PTPRD: variants seen among roughly 807,000 people sequenced by gnomAD.
PTPRD encodes the protein receptor-type tyrosine-protein phosphatase delta.
In PTPRD, 34 loss-of-function variants were observed where a neutral mutation model predicts 214.5. The ratio of observed to expected loss-of-function variants is 0.16; its 90% confidence interval spans 0.12 to 0.21. The LOEUF is 0.21. Ranked by LOEUF, PTPRD falls within the 10% of genes least tolerant of loss-of-function variation. The pLI, the probability that PTPRD is intolerant of heterozygous loss-of-function variation, is 1.00. For missense variants in PTPRD, 2,545 were observed against 2,398.7 expected (o/e 1.06, Z -1.27); for synonymous variants, 1,128 against 845.7 (o/e 1.33, Z -5.79).
chr9:8,441,901 T>A (rs1274572477), intron 34 of PTPRD, among the ~76,000 whole-genome samples: 4 of 152,164 alleles, frequency 2.6e-5, no homozygotes, highest in Non-Finnish European at 5.9e-5. Context: ...CGCCATGCTG[T>A]CTTTCCAACC....
chr9:9,768,964 T>A (rs1052421284), intron 5 of PTPRD, among the ~76,000 whole-genome samples: 1 of 152,200 alleles, frequency 6.6e-6, no homozygotes, highest in Non-Finnish European at 1.5e-5. Flanking sequence ...TTACTTGTTC[T>A]GATTTTTCTG....
At chr9:10,360,310 G>A (rs533932002) in intron 2 of PTPRD, among the ~76,000 whole-genome samples, 5 of 152,278 alleles carry the variant, frequency 3.3e-5, no homozygotes, top group East Asian at 1.9e-4. Context: ...TTTAGAAAGG[G>A]TATTTTAAGT....
At chr9:8,786,631 T>A (rs1599748772) in intron 11 of PTPRD, among the ~76,000 whole-genome samples, 1 of 151,284 alleles carries the variant, frequency 6.6e-6, no homozygotes, top group African/African-American at 2.4e-5. Flanking sequence ...GCGAGGCTGG[T>A]CTGGAACTCC....
At chr9:10,604,748 C>G (rs1198723153) in intron 2 of PTPRD, among the ~76,000 whole-genome samples, 2 of 151,864 alleles carry the variant, frequency 1.3e-5, no homozygotes, top group Non-Finnish European at 2.9e-5. Context: ...TCCATTGAAA[C>G]AGGTACCATA....
chr9:8,837,274 C>T (rs1022828209), intron 11 of PTPRD, among the ~76,000 whole-genome samples: 3 of 150,460 alleles, frequency 2.0e-5, no homozygotes, highest in East Asian at 2.0e-4. Flanking sequence ...CTTGGCCTCC[C>T]GAAGTGCTGG....
intron 9 of PTPRD, among the ~76,000 whole-genome samples, chr9:9,186,389 T>G (rs954071060): frequency 1.3e-5 from 2 of 152,042 alleles, no homozygotes; most frequent in African/African-American, 4.8e-5. Flanking sequence ...CAGATACAGT[T>G]TCTAGTATTT....
intron 10 of PTPRD, among the ~76,000 whole-genome samples, chr9:9,172,598 T>C (rs1339277989): frequency 6.6e-6 from 1 of 152,162 alleles, no homozygotes; most frequent in Non-Finnish European, 1.5e-5. Context: ...ATAGATGTGC[T>C]ATGTCTTCTT....
intron 2 of PTPRD, among the ~76,000 whole-genome samples, chr9:10,515,385 T>C (rs1256014548): frequency 6.7e-6 from 1 of 150,080 alleles, no homozygotes; most frequent in African/African-American, 2.4e-5. Context: ...TATAGACTAC[T>C]TGGTCTTTTA....
In PTPRD at chr9:9,098,640, A is replaced by G. The variant is rs149024636; in HGVS notation, c.-142-79905T>C. Among the ~76,000 whole-genome samples the G allele has an allele frequency of 2.3e-3, 353 of 152,350 alleles. 5 individuals are homozygous for G. The highest frequency in any genetic ancestry group is 3.5e-4 in the Non-Finnish European group (24 of 68,034). On this transcript the variant is annotated intron_variant, in intron 10 of 45. Transcript: ENST00000381196. ...TGCAAAGTTACTAACGATGAAAAGA[A>G]TAATCATTACAAGTATGTTTATCAT...
intron 11 of PTPRD, among the ~76,000 whole-genome samples, chr9:8,911,808 C>T (rs2098750248): frequency 6.6e-6 from 1 of 151,956 alleles, no homozygotes; most frequent in South Asian, 2.1e-4. Flanking sequence ...ATAAATAACT[C>T]ATAAACTTCA....
intron 2 of PTPRD, among the ~76,000 whole-genome samples, chr9:10,518,065 G>A (rs147983590): frequency 6.6e-6 from 1 of 152,136 alleles, no homozygotes; most frequent in Non-Finnish European, 1.5e-5. Flanking sequence ...TGTCACATGG[G>A]TGAATGGACT....
At chr9:9,133,236 G>A (rs1025847637) in intron 10 of PTPRD, among the ~76,000 whole-genome samples, 1 of 152,162 alleles carries the variant, frequency 6.6e-6, no homozygotes, top group East Asian at 1.9e-4. Context: ...GTGTTGGCTG[G>A]CAGATAGATG....
intron 11 of PTPRD, among the ~76,000 whole-genome samples, chr9:8,964,256 T>C (rs2099177103): frequency 6.8e-6 from 1 of 146,036 alleles, no homozygotes; most frequent in Non-Finnish European, 1.5e-5. Flanking sequence ...GTCTGTTCAG[T>C]GTTTCAAATT....
chr9:10,129,162 A>G (rs1203480328), intron 3 of PTPRD, among the ~76,000 whole-genome samples: 1 of 152,188 alleles, frequency 6.6e-6, no homozygotes, highest in Non-Finnish European at 1.5e-5. Flanking sequence ...GTATGAATTT[A>G]AAAGCCTGCT....
chr9:10,072,333 G>A (rs1261238529), intron 3 of PTPRD, among the ~76,000 whole-genome samples: 2 of 152,060 alleles, frequency 1.3e-5, no homozygotes, highest in Non-Finnish European at 2.9e-5. Flanking sequence ...CATGTCAATT[G>A]TCAGTGAGTA....
intron 9 of PTPRD, among the ~76,000 whole-genome samples, chr9:9,340,630 C>T (rs747493657): frequency 6.6e-6 from 1 of 152,146 alleles, no homozygotes; most frequent in Non-Finnish European, 1.5e-5. Context: ...AATTCAATAT[C>T]TGTTAGAACT....
chr9:9,701,947 C>A (rs945258437), intron 7 of PTPRD, among the ~76,000 whole-genome samples: 1 of 151,942 alleles, frequency 6.6e-6, no homozygotes, highest in Non-Finnish European at 1.5e-5. Context: ...GGTGAAACTC[C>A]GTCTCTACTA....
intron 3 of PTPRD, among the ~76,000 whole-genome samples, chr9:10,139,826 T>C (rs2098970417): frequency 1.3e-5 from 2 of 151,264 alleles, no homozygotes; most frequent in East Asian, 2.0e-4. Context: ...TGAGGATAAC[T>C]GGCTAGCCAT....
chr9:9,386,367 C>T (rs924843670), intron 9 of PTPRD, among the ~76,000 whole-genome samples: 2 of 152,036 alleles, frequency 1.3e-5, no homozygotes, highest in African/African-American at 4.8e-5. Flanking sequence ...TCAAATGCCT[C>T]TGGTATGTCA....
Sources: allele counts gnomAD v4.1 joint callset (sites outside exome capture counted in the v4.1 genomes callset), GRCh38; gene constraint gnomAD v4.1.1; transcripts MANE v1.5; gene names NCBI Gene and HGNC (gene_info 2026-07-23, HGNC 2026-07-21).